PDGFRL: variants seen among roughly 807,000 people sequenced by gnomAD.
PDGFRL encodes platelet derived growth factor receptor like, also known as platelet-derived growth factor receptor-like protein.
Under a neutral mutation model 37.2 loss-of-function variants are expected in PDGFRL, and 46 were observed. The ratio of observed to expected loss-of-function variants is 1.24; its 90% CI spans 0.98 to 1.58. PDGFRL has a LOEUF of 1.58. Among genes scored for constraint, PDGFRL ranks in the 40% most tolerant of loss-of-function variants. The pLI, the probability that PDGFRL is intolerant of heterozygous loss-of-function variation, is 0.00. For missense variants in PDGFRL, 692 were observed against 467.6 expected (o/e 1.48, Z -4.43); for synonymous variants, 251 against 184.3 (o/e 1.36, Z -2.93).
chr8:17,585,336 T>C (rs1408326341), intron 1 of PDGFRL, among the ~76,000 whole-genome samples: 2 of 152,054 alleles, frequency 1.3e-5, no homozygotes, highest in Non-Finnish European at 2.9e-5. Flanking sequence ...CTCAGCCTTA[T>C]TTTACCCAGC....
At chr8:17,629,706 A>AC (rs2129807659) in intron 4 of PDGFRL, among the ~76,000 whole-genome samples, 1 of 151,938 alleles carries the variant, frequency 6.6e-6, no homozygotes, top group Admixed American at 6.6e-5. Flanking sequence ...AGGTTCATGG[A>AC]CCCCTCATCC....
chr8:17,642,822 G>A lies in PDGFRL; in HGVS notation c.*21G>A, dbSNP rs747030188. Reference sequence around the variant, plus strand: ...CCTGACTTGGAAAAGGAAATGTAATGAACTTATGGAAAGCCCATTTGTGTA... The same window carrying A: ...CCTGACTTGGAAAAGGAAATGTAATAAACTTATGGAAAGCCCATTTGTGTA... On this transcript the variant is annotated 3_prime_UTR_variant, in exon 6 of 6. Coordinates refer to ENST00000251630, the MANE Select transcript of PDGFRL (RefSeq NM_001372073.1). 3 of 1,509,128 alleles carry A rather than the reference G, an allele frequency of 2.0e-6. No homozygotes were observed. The highest frequency in any genetic ancestry group is 2.8e-6 in the Non-Finnish European group (3 of 1,087,434). 93.5% of individuals were successfully genotyped at this position (1,509,128 alleles called of 1,614,324 possible). A position where few individuals can be genotyped will look rare whatever the true frequency, so the allele number is the denominator to read the frequency against.
intron 2 of PDGFRL, among the ~76,000 whole-genome samples, chr8:17,618,139 G>A (rs1804564646): frequency 6.6e-6 from 1 of 152,024 alleles, no homozygotes; most frequent in Non-Finnish European, 1.5e-5. Flanking sequence ...GCTCATTGCA[G>A]CCTCGACCTC....
At chr8:17,614,706 G>C (rs1804488899) in intron 2 of PDGFRL, among the ~76,000 whole-genome samples, 1 of 152,192 alleles carries the variant, frequency 6.6e-6, no homozygotes, top group Admixed American at 6.5e-5. Context: ...AGCCTCCCAA[G>C]TAGCTGGGAC....
At chr8:17,610,184 C>T (rs1438553614) in intron 2 of PDGFRL, among the ~76,000 whole-genome samples, 1 of 152,146 alleles carries the variant, frequency 6.6e-6, no homozygotes, top group Non-Finnish European at 1.5e-5. Context: ...TCTTCCAGGG[C>T]CGATTCTTCC....
intron 1 of PDGFRL, among the ~76,000 whole-genome samples, chr8:17,583,612 C>T (rs1803754105): frequency 6.6e-6 from 1 of 152,124 alleles, no homozygotes; most frequent in African/African-American, 2.4e-5. Flanking sequence ...CTCCTAACCT[C>T]ATGTTGAAAT....
Position 17,629,226 on chromosome 8 carries a change from G to C in PDGFRL, c.799+446G>C, listed in dbSNP as rs1055968659. Reference sequence around the variant, plus strand: ...ATTACAAGTGTGAGCCACCATGCTCGGCCCACTTATGCCGTTCTTAAAGGC... The same window carrying C: ...ATTACAAGTGTGAGCCACCATGCTCCGCCCACTTATGCCGTTCTTAAAGGC... On this transcript the variant is annotated intron_variant, in intron 4 of 5. Transcript: ENST00000251630. Among the ~76,000 whole-genome samples the C allele has an allele frequency of 2.0e-5, 3 of 151,568 alleles. No individual in the cohort carries two copies. In the South Asian group the frequency reaches 6.3e-4, roughly 32 times the overall value.
At chr8:17,628,033 G>A (rs767047731) in intron 3 of PDGFRL, among the ~76,000 whole-genome samples, 56 of 119,680 alleles carry the variant, frequency 4.7e-4, no homozygotes, top group African/African-American at 1.0e-3. Context: ...TGGCTCTGTC[G>A]CCCAGGCTGG....
chr8:17,591,902 G>C (rs755886940), intron 2 of PDGFRL, among the ~76,000 whole-genome samples: 1 of 152,090 alleles, frequency 6.6e-6, no homozygotes, highest in Non-Finnish European at 1.5e-5. Context: ...GCAACATCGC[G>C]ATACTGTGTC....
intron 4 of PDGFRL, among the ~76,000 whole-genome samples, chr8:17,631,769 G>T (rs913868020): frequency 6.6e-6 from 1 of 151,934 alleles, no homozygotes; most frequent in Non-Finnish European, 1.5e-5. Flanking sequence ...CTCTGCCCTG[G>T]CTCCATTTTT....
intron 5 of PDGFRL, among the ~76,000 whole-genome samples, chr8:17,635,519 C>T (rs1804954445): frequency 6.6e-6 from 1 of 152,154 alleles, no homozygotes; most frequent in Non-Finnish European, 1.5e-5. Flanking sequence ...TCTTTATCCA[C>T]TCATTGATTG....
At chr8:17,591,162 G>A (rs1490963919) in intron 2 of PDGFRL, among the ~76,000 whole-genome samples, 1 of 152,092 alleles carries the variant, frequency 6.6e-6, no homozygotes, top group Non-Finnish European at 1.5e-5. Context: ...GATTACAGGC[G>A]TGAGCCACCG....
chr8:17,617,242 C>A (rs1195903772), intron 2 of PDGFRL, among the ~76,000 whole-genome samples: 1 of 152,172 alleles, frequency 6.6e-6, no homozygotes, highest in Non-Finnish European at 1.5e-5. Flanking sequence ...AAAGAAAAGG[C>A]CAGAGGCAAG....
chr8:17,617,336 T>C (rs543825283), intron 2 of PDGFRL, among the ~76,000 whole-genome samples: 3 of 152,192 alleles, frequency 2.0e-5, no homozygotes, highest in Non-Finnish European at 4.4e-5. Context: ...CATTTGGTCA[T>C]GACACCTTCT....
At chr8:17,587,594 A>G (rs960823915) in intron 1 of PDGFRL, among the ~76,000 whole-genome samples, 3 of 151,940 alleles carry the variant, frequency 2.0e-5, no homozygotes, top group Non-Finnish European at 2.9e-5. Context: ...CCCAGACTGC[A>G]GTGCAGTGGT....
chr8:17,621,217 G>T lies in PDGFRL; in HGVS notation c.505+15G>T. On this transcript the variant is annotated intron_variant, in intron 3 of 5. Transcript: ENST00000251630. ...CTTTTTTACAGGTAAAATACTTGGTGCATTAATGGAACTCTTCAAACTTCT... is the reference window on the plus strand; with the variant it reads ...CTTTTTTACAGGTAAAATACTTGGTTCATTAATGGAACTCTTCAAACTTCT... 1 of 1,584,026 alleles carries T rather than the reference G, an allele frequency of 6.3e-7. No homozygotes were observed. The highest frequency in any genetic ancestry group is 2.3e-5 in the East Asian group (1 of 44,104).
upstream of PDGFRL, chr8:17,576,897 C>A: frequency 3.3e-6 from 1 of 298,942 alleles, no homozygotes; most frequent in Non-Finnish European, 6.1e-6. Context: ...AAAGTGACCC[C>A]ATCAGCACCC....
At chr8:17,594,762 C>T (rs2720528) in intron 2 of PDGFRL, among the ~76,000 whole-genome samples, 130,027 of 151,852 alleles carry the variant, frequency 0.86, 57,622 homozygotes, top group Non-Finnish European at 0.97. Context: ...ACCGTGGTCT[C>T]GATCTCCTGA....
chr8:17,635,961 T>C (rs1469828631), intron 5 of PDGFRL, among the ~76,000 whole-genome samples: 1 of 152,208 alleles, frequency 6.6e-6, no homozygotes, highest in East Asian at 1.9e-4. Context: ...CAATTTTTGA[T>C]GGGATTGTTA....
Sources: gnomAD v4.1 joint callset for allele counts (sites outside exome capture counted in the v4.1 genomes callset) on GRCh38, gnomAD v4.1.1 for gene constraint, MANE v1.5 for transcripts, NCBI Gene and HGNC (gene_info 2026-07-23, HGNC 2026-07-21) for gene names.